Variants in CCDC73 observed in about 807,000 individuals in gnomAD.
CCDC73 encodes coiled-coil domain containing 73.
A neutral mutation model predicts 116.5 loss-of-function variants in CCDC73; 95 were observed. The ratio of observed to expected loss-of-function variants is 0.82; its 90% CI spans 0.69 to 0.97. The LOEUF is 0.97. Ranked by LOEUF, CCDC73 falls within the 50% of genes least tolerant of loss-of-function variation. The probability of loss-of-function intolerance (pLI) is 0.00; values close to 1 mark genes in which losing one functional copy is unlikely to be tolerated. For synonymous variants in CCDC73, 398 were observed against 401.3 expected, an observed-to-expected ratio of 0.99 and a Z score of 0.10; for missense variants, 1,066 against 1,206.8, an observed-to-expected ratio of 0.88 and a Z score of 1.73.
chr11:32,622,475 C>T (rs1434723285), intron 14 of CCDC73, among the ~76,000 whole-genome samples: 1 of 151,842 alleles, frequency 6.6e-6, no homozygotes, highest in Non-Finnish European at 1.5e-5. Flanking sequence ...CACATGGACA[C>T]AGGAAGGGGA....
intron 12 of CCDC73, among the ~76,000 whole-genome samples, chr11:32,645,873 G>A (rs529214524): frequency 6.6e-6 from 1 of 152,104 alleles, no homozygotes; most frequent in South Asian, 2.1e-4. Flanking sequence ...CATCTTACAC[G>A]TGGTCTGTCA....
intron 3 of CCDC73, among the ~76,000 whole-genome samples, chr11:32,715,498 G>GCACGCA (rs2030699212): frequency 6.7e-6 from 1 of 148,468 alleles, no homozygotes; most frequent in African/African-American, 2.5e-5. Context: ...TGATACACAC[G>GCACGCA]CACACACACA....
intron 3 of CCDC73, among the ~76,000 whole-genome samples, chr11:32,707,728 AGG>A (rs1210821942): frequency 6.6e-6 from 1 of 152,110 alleles, no homozygotes; most frequent in East Asian, 1.9e-4. Context: ...ATTAATCTCA[AGG>A]GGGTAAATGT....
intron 3 of CCDC73, among the ~76,000 whole-genome samples, chr11:32,707,020 G>C (rs972499705): frequency 2.0e-5 from 3 of 152,096 alleles, no homozygotes; most frequent in African/African-American, 7.2e-5. Flanking sequence ...CCATGAAGTA[G>C]CACTTTGTGG....
intron 14 of CCDC73, among the ~76,000 whole-genome samples, chr11:32,633,772 G>C (rs1320120445): frequency 6.6e-6 from 1 of 152,158 alleles, no homozygotes; most frequent in African/African-American, 2.4e-5. Context: ...TATGTAGCAT[G>C]TGCCAAAATT....
At chr11:32,783,172 A>T (rs374323726) in intron 1 of CCDC73, among the ~76,000 whole-genome samples, 3 of 152,176 alleles carry the variant, frequency 2.0e-5, no homozygotes, top group East Asian at 3.8e-4. Flanking sequence ...AGGAAAAAAA[A>T]AATCATAAAA....
At chr11:32,707,842 G>T (rs373631645) in intron 3 of CCDC73, among the ~76,000 whole-genome samples, 3 of 152,188 alleles carry the variant, frequency 2.0e-5, no homozygotes, top group African/African-American at 7.2e-5. Flanking sequence ...TCAGACAACA[G>T]GTTCCAAACA....
At chr11:32,615,853 G>C (rs766487815) in intron 15 of CCDC73, 87 bp downstream of exon 15, 1 of 1,180,594 alleles carries the variant, frequency 8.5e-7, no homozygotes, top group East Asian at 2.7e-5. Flanking sequence ...GTCATGAAGA[G>C]GGGAGGCAGA....
At chr11:32,797,579 C>G (rs1181600626), upstream of CCDC73, among the ~76,000 whole-genome samples, 1 of 152,216 alleles carries the variant, frequency 6.6e-6, no homozygotes, top group Non-Finnish European at 1.5e-5. Flanking sequence ...AATCACTCGA[C>G]TCTACATATC....
intron 2 of CCDC73, among the ~76,000 whole-genome samples, chr11:32,751,906 A>C (rs1011028655): frequency 6.6e-6 from 1 of 152,168 alleles, no homozygotes; most frequent in African/African-American, 2.4e-5. Flanking sequence ...AGGTCTCACA[A>C]TTCTGTACAA....
intron 2 of CCDC73, among the ~76,000 whole-genome samples, chr11:32,752,811 T>C (rs1406788434): frequency 6.6e-6 from 1 of 151,480 alleles, no homozygotes; most frequent in African/African-American, 2.4e-5. Context: ...TCTGCATCAC[T>C]TTTTTTTTAA....
At chr11:32,678,949 C>T (rs1856119311) in intron 7 of CCDC73, among the ~76,000 whole-genome samples, 1 of 151,196 alleles carries the variant, frequency 6.6e-6, no homozygotes, top group Admixed American at 6.6e-5. Context: ...ACACACATTA[C>T]AATTTAAGTT....
At chr11:32,716,113 C>T (rs953525752) in intron 3 of CCDC73, among the ~76,000 whole-genome samples, 1 of 152,048 alleles carries the variant, frequency 6.6e-6, no homozygotes, top group Non-Finnish European at 1.5e-5. Flanking sequence ...AATAAACATA[C>T]CTGCTTTATT....
At chr11:32,737,655 C>G (rs1243306147) in intron 2 of CCDC73, among the ~76,000 whole-genome samples, 1 of 151,466 alleles carries the variant, frequency 6.6e-6, no homozygotes. Flanking sequence ...GTAAGTAGGG[C>G]ATCCATCACC....
chr11:32,827,206 T>G, the CCDC73 span, among the ~76,000 whole-genome samples: 1 of 152,126 alleles, frequency 6.6e-6, no homozygotes, highest in African/African-American at 2.4e-5. Flanking sequence ...CAAAATAAAA[T>G]TAATACAGCA....
At chr11:32,781,725 G>A (rs1850586123) in intron 1 of CCDC73, among the ~76,000 whole-genome samples, 1 of 152,182 alleles carries the variant, frequency 6.6e-6, no homozygotes, top group Non-Finnish European at 1.5e-5. Context: ...GGAAAAATGT[G>A]TATATTAAAT....
chr11:32,761,041 G>A (rs1467105681), intron 1 of CCDC73, among the ~76,000 whole-genome samples: 1 of 151,794 alleles, frequency 6.6e-6, no homozygotes, highest in Non-Finnish European at 1.5e-5. Context: ...ATATAACTAT[G>A]ACCTCAATTT....
chr11:32,778,903 C>T (rs970696118), intron 1 of CCDC73, among the ~76,000 whole-genome samples: 1 of 152,066 alleles, frequency 6.6e-6, no homozygotes, highest in Non-Finnish European at 1.5e-5. Context: ...TTACGTATTT[C>T]TCCACTTGGT....
chr11:32,732,886 T>C (rs1340896179), intron 2 of CCDC73, among the ~76,000 whole-genome samples: 11 of 152,108 alleles, frequency 7.2e-5, no homozygotes, highest in Non-Finnish European at 1.5e-5. Flanking sequence ...CCAGCTAACA[T>C]CATAATGATA....
Sources: gnomAD v4.1 joint callset for allele counts (sites outside exome capture counted in the v4.1 genomes callset) on GRCh38, gnomAD v4.1.1 for gene constraint, MANE v1.5 for transcripts, NCBI Gene and HGNC (gene_info 2026-07-23, HGNC 2026-07-21) for gene names.